The following CCN4 variants were observed in gnomAD, a reference collection of about 807,000 sequenced individuals.
The protein encoded by CCN4 is CCN family member 4.
In CCN4, 30 loss-of-function variants were observed where a neutral mutation model predicts 36.7. The observed-to-expected ratio is 0.82, with a 90% CI of 0.61 to 1.11. The LOEUF is 1.11. Ranked by LOEUF, CCN4 falls within the 50% of genes least tolerant of loss-of-function variation. CCN4 has a pLI of 0.00. For synonymous variants in CCN4, 191 were observed against 195.4 expected, an observed-to-expected ratio of 0.98 and a Z score of 0.19; for missense variants, 505 against 504.9, an observed-to-expected ratio of 1.00 and a Z score of 0.00.
intron 1 of CCN4, among the ~76,000 whole-genome samples, chr8:133,192,087 T>C (rs1399687701): frequency 6.6e-6 from 1 of 152,056 alleles, no homozygotes; most frequent in East Asian, 1.9e-4. Flanking sequence ...AGCCCCAGAT[T>C]CCACAGCCCA....
intron 1 of CCN4, among the ~76,000 whole-genome samples, chr8:133,195,956 G>A (rs746104678): frequency 3.9e-5 from 6 of 152,222 alleles, no homozygotes; most frequent in Admixed American, 6.5e-5. Context: ...CAAGGGTGGC[G>A]AAGCAGCCAT....
At chr8:133,199,210 T>C (rs905306340) in intron 1 of CCN4, among the ~76,000 whole-genome samples, 4 of 152,360 alleles carry the variant, frequency 2.6e-5, no homozygotes, top group South Asian at 2.1e-4. Context: ...GTCAGGAGAC[T>C]GGGGTCTCTG....
rs750445845 is a variant in CCN4 at position 133,191,094 on chromosome 8, G to A, written c.-51G>A. 16 of 1,596,380 alleles carry A rather than the reference G, an allele frequency of 1.0e-5. No individual in the cohort carries two copies. In the East Asian group the frequency reaches 1.8e-4, roughly 18 times the overall value. ...CTGGGCCCAGCTCCCCCGAGAGGTG[G>A]TCGGATCCTCTGGGCTGCTCGGTCG... On this transcript the variant is annotated 5_prime_UTR_variant, in exon 1 of 5. Coordinates refer to ENST00000250160, the MANE Select transcript of CCN4 (RefSeq NM_003882.4).
Position 133,213,289 on chromosome 8 carries a change from G to T in CCN4, c.349+146G>T, listed in dbSNP as rs1854135387. 2.0e-5 allele frequency: 21 copies of T among 1,036,940 alleles called. No individual in the cohort carries two copies. In the South Asian group the frequency reaches 3.1e-4, roughly 15 times the overall value. 64.2% of individuals were successfully genotyped at this position (1,036,940 alleles called of 1,614,324 possible). On this transcript the variant is annotated intron_variant, in intron 2 of 4. Coordinates refer to ENST00000250160, the MANE Select transcript of CCN4 (RefSeq NM_003882.4). ...TACACCCCATGATCAGAGGCCAGAG[G>T]CTGGGTCCTTCCTGGGAAGGGGAGG... is the stretch of plus-strand genomic sequence containing the variant.
In CCN4 at chr8:133,225,600, T is replaced by C. The variant is rs1854704314; in HGVS notation, c.804+17T>C. On this transcript the variant is annotated intron_variant, in intron 4 of 4. Coordinates refer to ENST00000250160, the MANE Select transcript of CCN4 (RefSeq NM_003882.4). Reference sequence around the variant, plus strand: ...CTCATTAAGGTGGGTCCAGAGCAGGTGTGGATGTCTAGACTTCACAAGCAG... The same window carrying C: ...CTCATTAAGGTGGGTCCAGAGCAGGCGTGGATGTCTAGACTTCACAAGCAG... 1.3e-6 allele frequency: 2 copies of C among 1,552,088 alleles called. No homozygotes were observed. Among genetic ancestry groups the C allele is most frequent in the Non-Finnish European group, 1.8e-6 (2 of 1,141,180 alleles).
rs373840690 is a variant in CCN4 at position 133,191,115 on chromosome 8, G to T, written c.-30G>T. 1.9e-6 allele frequency: 3 copies of T among 1,603,768 alleles called. No homozygotes were observed. Among genetic ancestry groups the T allele is most frequent in the Non-Finnish European group, 2.5e-6 (3 of 1,179,592 alleles). Reference sequence around the variant, plus strand: ...GGTGGTCGGATCCTCTGGGCTGCTCGGTCGATGCCTGTGCCACTGACGTCC... The same window carrying T: ...GGTGGTCGGATCCTCTGGGCTGCTCTGTCGATGCCTGTGCCACTGACGTCC... On this transcript the variant is annotated 5_prime_UTR_variant, in exon 1 of 5. Transcript: ENST00000250160.
intron 2 of CCN4, among the ~76,000 whole-genome samples, chr8:133,213,399 A>C (rs1253190071): frequency 6.6e-6 from 1 of 152,138 alleles, no homozygotes; most frequent in Non-Finnish European, 1.5e-5. Context: ...GGCTGTCCCC[A>C]GGGAAGAGGG....
chr8:133,200,070 G>C (rs1257644006), intron 1 of CCN4, among the ~76,000 whole-genome samples: 1 of 152,212 alleles, frequency 6.6e-6, no homozygotes, highest in Non-Finnish European at 1.5e-5. Flanking sequence ...CCTTAGGCCA[G>C]TTCTGTTTCT....
rs1192402291 is a variant in CCN4, at chr8:133,227,779, A to G, written c.*69A>G. ...GAAGCAGTCAGCCCTTATGGCCAAT[A>G]ACTTTTCACCAATGAGCCTTAGTTA... On this transcript the variant is annotated 3_prime_UTR_variant, in exon 5 of 5. Transcript: ENST00000250160. 6.6e-7 allele frequency: 1 copy of G among 1,525,986 alleles called. No individual in the cohort carries two copies. Among genetic ancestry groups the G allele is most frequent in the Admixed American group, 1.9e-5 (1 of 52,144 alleles). The allele number at this position is 1,525,986 out of a possible 1,614,324, so 94.5% of individuals were successfully genotyped here.
In CCN4 at chr8:133,214,832, G is replaced by A. The variant is rs145727492; in HGVS notation, c.349+1689G>A. 2.3e-3 allele frequency among the ~76,000 whole-genome samples: 352 copies of A among 152,074 alleles called. 1 individual carries two copies. Among genetic ancestry groups the A allele is most frequent in the African/African-American group, 7.8e-3 (324 of 41,460 alleles). ...TTAACTATGACTCCATATACACCCCGTCACATAGTCACACACAACGTAGTC... is the reference window on the plus strand; with the variant it reads ...TTAACTATGACTCCATATACACCCCATCACATAGTCACACACAACGTAGTC... On this transcript the variant is annotated intron_variant, in intron 2 of 4. Coordinates refer to ENST00000250160, the MANE Select transcript of CCN4 (RefSeq NM_003882.4).
chr8:133,229,623 A>G lies in CCN4; in HGVS notation c.*1913A>G, dbSNP rs930658373. ...AAAGGACTGGGAATACATCCTCCTT[A>G]CTGTGACCTCCCCAAAACCTAGTCC... On this transcript the variant is annotated 3_prime_UTR_variant, in exon 5 of 5. Coordinates refer to ENST00000250160, the MANE Select transcript of CCN4 (RefSeq NM_003882.4). The G allele has an allele frequency of 6.6e-6, 1 of 152,202 alleles. No individual in the cohort carries two copies. Among genetic ancestry groups the G allele is most frequent in the African/African-American group, 2.4e-5 (1 of 41,450 alleles). 9.4% of individuals were successfully genotyped at this position (152,202 alleles called of 1,614,324 possible). A position where few individuals can be genotyped will look rare whatever the true frequency, so the allele number is the denominator to read the frequency against.
chr8:133,202,790 A>G (rs1853634806), intron 1 of CCN4, among the ~76,000 whole-genome samples: 2 of 152,170 alleles, frequency 1.3e-5, no homozygotes, highest in South Asian at 4.1e-4. Flanking sequence ...CTTGAAGGGG[A>G]GCCCCCACCA....
At chr8:133,217,936 C>CCACACACACACACGCGCACACA (rs56318195) in intron 2 of CCN4, among the ~76,000 whole-genome samples, 32 of 144,526 alleles carry the variant, frequency 2.2e-4, no homozygotes, top group East Asian at 6.4e-4. Context: ...ACTCCCTTCT[C>CCACACACACACACGCGCACACA]CACACACACA....
At chr8:133,199,859 C>T (rs1853524418) in intron 1 of CCN4, among the ~76,000 whole-genome samples, 1 of 152,124 alleles carries the variant, frequency 6.6e-6, no homozygotes, top group Admixed American at 6.5e-5. Context: ...AGGCCCACGG[C>T]GAGCCCCTTC....
At chr8:133,207,994 G>GTTTTTGT (rs1554741794) in intron 1 of CCN4, among the ~76,000 whole-genome samples, 1 of 141,666 alleles carries the variant, frequency 7.1e-6, no homozygotes, top group Non-Finnish European at 1.5e-5. Context: ...CCTTTCAGCT[G>GTTTTTGT]TTTTTTTTTT....
At chr8:133,222,184 A>T (rs1374488657) in intron 3 of CCN4, among the ~76,000 whole-genome samples, 1 of 152,142 alleles carries the variant, frequency 6.6e-6, no homozygotes, top group Non-Finnish European at 1.5e-5. Flanking sequence ...GGATGGGCTA[A>T]TGAGGATCTG....
chr8:133,199,806 A>T (rs1254140873), intron 1 of CCN4, among the ~76,000 whole-genome samples: 1 of 152,040 alleles, frequency 6.6e-6, no homozygotes, highest in Non-Finnish European at 1.5e-5. Context: ...TGGCTCTTAG[A>T]TGATCAAAGA....
intron 4 of CCN4, among the ~76,000 whole-genome samples, chr8:133,226,187 T>C (rs1564268495): frequency 6.6e-6 from 1 of 152,246 alleles, no homozygotes; most frequent in Non-Finnish European, 1.5e-5. Context: ...ATCTGATTTA[T>C]CTAATTCAAG....
chr8:133,212,897 A>G lies in CCN4; in HGVS notation c.103A>G (p.Thr35Ala). Residue 35 changes from threonine to alanine, a missense_variant, in exon 2 of 5, where the codon ACC (threonine) becomes GCC (alanine). Coordinates refer to ENST00000250160, the MANE Select transcript of CCN4 (RefSeq NM_003882.4). ...TCCAGCCCCTACGACCATGGACTTT[A>G]CCCCAGCTCCACTGGAGGACACCTC... ...LSPAPTTMDF[T>A]PAPLEDTSSR... The G allele has an allele frequency of 6.2e-7, 1 of 1,602,724 alleles. No individual in the cohort carries two copies. The highest frequency in any genetic ancestry group is 1.1e-5 in the South Asian group (1 of 90,634).
Sources: allele counts gnomAD v4.1 joint callset (sites outside exome capture counted in the v4.1 genomes callset), GRCh38; gene constraint gnomAD v4.1.1; transcripts MANE v1.5; gene names NCBI Gene and HGNC (gene_info 2026-07-23, HGNC 2026-07-21).